The following KIAA1614 variants were observed in gnomAD, a reference collection of about 807,000 sequenced individuals.
KIAA1614 encodes the protein KIAA1614, also known as uncharacterized protein KIAA1614.
In KIAA1614, 76 loss-of-function variants were observed where a neutral mutation model predicts 88.7. That is an observed-to-expected ratio of 0.86 (90% CI 0.71 to 1.04). KIAA1614 has a LOEUF of 1.04. KIAA1614 is among the 50% of genes least tolerant of loss of function. KIAA1614 has a pLI of 0.00. For synonymous variants in KIAA1614, 714 were observed against 675.5 expected (o/e 1.06, Z -0.88); for missense variants, 1,553 against 1,582.5 (o/e 0.98, Z 0.32).
Position 180,950,468 on chromosome 1 carries a change from G to T in KIAA1614, c.*4880G>T, listed in dbSNP as rs1390692865. On this transcript the variant is annotated 3_prime_UTR_variant, in exon 9 of 9. Coordinates refer to ENST00000367588, the MANE Select transcript of KIAA1614 (RefSeq NM_020950.2). ...AGGGCTGGGCTTGGCTCACATTAAGGAGCTCCTGGCCCACTCAGAGAGCTT... is the reference window on the plus strand; with the variant it reads ...AGGGCTGGGCTTGGCTCACATTAAGTAGCTCCTGGCCCACTCAGAGAGCTT... 1 of 1,170,814 alleles carries T rather than the reference G, an allele frequency of 8.5e-7. No homozygotes were observed. Among genetic ancestry groups the T allele is most frequent in the Non-Finnish European group, 1.1e-6 (1 of 928,530 alleles). 72.5% of individuals were successfully genotyped at this position (1,170,814 alleles called of 1,614,324 possible). A position where few individuals can be genotyped will look rare whatever the true frequency, so the allele number is the denominator to read the frequency against.
At chr1:180,927,897 C>A (rs369126871) in intron 3 of KIAA1614, among the ~76,000 whole-genome samples, 5 of 152,152 alleles carry the variant, frequency 3.3e-5, no homozygotes, top group African/African-American at 1.2e-4. Flanking sequence ...AAATGCCATT[C>A]CCCCAAAGGG....
intron 6 of KIAA1614, 123 bp from the exon 7 acceptor site, chr1:180,940,922 C>A: frequency 1.2e-6 from 1 of 845,154 alleles, no homozygotes; most frequent in African/African-American, 1.7e-5. Flanking sequence ...GTTCCTGGCC[C>A]CAAATGTGCC....
chr1:180,918,528 C>A (rs560644056), intron 3 of KIAA1614, among the ~76,000 whole-genome samples: 8 of 152,338 alleles, frequency 5.3e-5, no homozygotes, highest in African/African-American at 1.9e-4. Context: ...GAAAAGTACA[C>A]TCAAGGTGGG....
chr1:180,942,395 T>C (rs1654488876), intron 7 of KIAA1614, among the ~76,000 whole-genome samples: 2 of 152,084 alleles, frequency 1.3e-5, no homozygotes, highest in South Asian at 4.2e-4. Context: ...CCTAATTCCC[T>C]CCCCGCTCTC....
At chr1:180,925,368 A>G (rs1654045819) in intron 3 of KIAA1614, among the ~76,000 whole-genome samples, 2 of 152,258 alleles carry the variant, frequency 1.3e-5, no homozygotes. Flanking sequence ...AATGCTAAGC[A>G]GAAAAGTTTC....
chr1:180,913,358 G>GC, intron 1 of KIAA1614, 65 bp downstream of exon 1: 1 of 1,117,428 alleles, frequency 8.9e-7, no homozygotes, highest in Non-Finnish European at 1.1e-6. Context: ...GGGCGGAGGA[G>GC]CGGGGAGCCC....
chr1:180,918,049 T>C, intron 3 of KIAA1614, 135 bp downstream of exon 3: 1 of 732,144 alleles, frequency 1.4e-6, no homozygotes, highest in Non-Finnish European at 2.3e-6. Context: ...CCAGTGGACG[T>C]CATCATCCCT....
chr1:180,943,550 C>CTTTTTTTTTTTTTTTTTTTTTTTTTT lies in KIAA1614; in HGVS notation c.3160-823_3160-822insTTTTTTTTTTTTTTTTTTTTTTTTTT, dbSNP rs60128001. Among the ~76,000 whole-genome samples, 6 of 98,218 alleles carry CTTTTTTTTTTTTTTTTTTTTTTTTTT rather than the reference C, an allele frequency of 6.1e-5. 2 individuals are homozygous for CTTTTTTTTTTTTTTTTTTTTTTTTTT. Among genetic ancestry groups the CTTTTTTTTTTTTTTTTTTTTTTTTTT allele is most frequent in the African/African-American group, 2.1e-4 (5 of 23,846 alleles). The allele number at this position is 98,218 out of a possible 152,430, so 64.4% of individuals were successfully genotyped here. A position where few individuals can be genotyped will look rare whatever the true frequency, so the allele number is the denominator to read the frequency against. Reference sequence around the variant, plus strand: ...ATTGTAGGATTGAATGGTAGTAGATCTTTTTTTTTTTTTTTTGAGACAGGG... The same window carrying CTTTTTTTTTTTTTTTTTTTTTTTTTT: ...ATTGTAGGATTGAATGGTAGTAGATCTTTTTTTTTTTTTTTTTTTTTTTTTTTTTTTTTTTTTTTTTTGAGACAGGG... On this transcript the variant is annotated intron_variant, in intron 7 of 8. Coordinates refer to ENST00000367588, the MANE Select transcript of KIAA1614 (RefSeq NM_020950.2).
chr1:180,920,827 C>T (rs1479644447), intron 3 of KIAA1614, among the ~76,000 whole-genome samples: 1 of 152,094 alleles, frequency 6.6e-6, no homozygotes, highest in Non-Finnish European at 1.5e-5. Context: ...GAGGAGACCC[C>T]CGGCCCCCAA....
At chr1:180,936,773 TTTTA>T in intron 5 of KIAA1614, 103 bp downstream of exon 5, 2 of 745,552 alleles carry the variant, frequency 2.7e-6, no homozygotes, top group Admixed American at 3.2e-5. Flanking sequence ...AGTCATTCCC[TTTTA>T]TCTCAATAGT....
rs781510193 is a variant in KIAA1614, at chr1:180,936,343, C to T, written c.2434C>T (p.Pro812Ser). 3 of 1,614,200 alleles carry T rather than the reference C, an allele frequency of 1.9e-6. No individual in the cohort carries two copies. Among genetic ancestry groups the T allele is most frequent in the Non-Finnish European group, 1.7e-6 (2 of 1,180,000 alleles). Residue 812 changes from proline (P) to serine (S), a missense_variant, in exon 5 of 9, where the codon CCT becomes TCT. Physicochemically the swap from Pro to Ser is moderately conservative, Grantham distance 74 (BLOSUM62 -1). Transcript: ENST00000367588. ...TGAAGGCTGGGCGCCAACCCCTCCC[C>T]CTTCGAGGAAAACCACCTCGCCAGT... The part of the protein sequence containing the change: ...CPEGWAPTPP[P>S]SRKTTSPVSH...
Position 180,945,909 on chromosome 1 carries a change from A to C in KIAA1614, c.*321A>C. 1 of 634,458 alleles carries C rather than the reference A, an allele frequency of 1.6e-6. No individual in the cohort carries two copies. The highest frequency in any genetic ancestry group is 2.1e-6 in the Non-Finnish European group (1 of 486,144). The allele number at this position is 634,458 out of a possible 1,614,324, so 39.3% of individuals were successfully genotyped here. ...CACCTGAGGTCAGGAGTTCGAGACC[A>C]GTCTGGCCCACATGGTGAAACCCAT... On this transcript the variant is annotated 3_prime_UTR_variant, in exon 9 of 9. Transcript: ENST00000367588.
chr1:180,922,129 C>T (rs1653967207), intron 3 of KIAA1614, among the ~76,000 whole-genome samples: 1 of 152,216 alleles, frequency 6.6e-6, no homozygotes, highest in Non-Finnish European at 1.5e-5. Flanking sequence ...TCTGCATGGC[C>T]CAGGCACACC....
intron 6 of KIAA1614, 128 bp from the exon 7 acceptor site, chr1:180,940,917 T>C (rs1654444836): frequency 2.5e-6 from 2 of 803,218 alleles, no homozygotes; most frequent in Admixed American, 5.9e-5. Flanking sequence ...TGTTAGTTCC[T>C]GGCCCCAAAT....
chr1:180,940,748 A>G (rs1027516495), intron 6 of KIAA1614, among the ~76,000 whole-genome samples: 3 of 138,978 alleles, frequency 2.2e-5, no homozygotes, highest in East Asian at 2.1e-4. Context: ...GGGTCTCACT[A>G]TGTCGCCCAG....
At chr1:180,928,397 C>G in intron 3 of KIAA1614, 33 bp from the exon 4 acceptor site, 1 of 1,500,336 alleles carries the variant, frequency 6.7e-7, no homozygotes, top group Non-Finnish European at 8.9e-7. Flanking sequence ...CTAATCCCTC[C>G]CCCACCACCC....
At chr1:180,925,345 C>T (rs1193943110) in intron 3 of KIAA1614, among the ~76,000 whole-genome samples, 1 of 152,218 alleles carries the variant, frequency 6.6e-6, no homozygotes, top group Non-Finnish European at 1.5e-5. Context: ...TTCAAATACG[C>T]AAACATGGAA....
intron 3 of KIAA1614, among the ~76,000 whole-genome samples, chr1:180,925,674 G>C (rs1214819714): frequency 6.6e-6 from 1 of 152,242 alleles, no homozygotes; most frequent in Non-Finnish European, 1.5e-5. Flanking sequence ...GAAACTGGCC[G>C]AGACGGGAGT....
At position 180,936,597 on chromosome 1, in the gene KIAA1614, C is replaced by T. The variant is rs761375969; in HGVS notation, c.2688C>T (p.Ala896=). 1.4e-5 allele frequency: 22 copies of T among 1,610,404 alleles called. No individual in the cohort carries two copies. In the Admixed American group the frequency reaches 2.3e-4, roughly 17 times the overall value. Residue 896 remains alanine, a synonymous_variant, in exon 5 of 9, where the codon GCC becomes GCT. Coordinates refer to ENST00000367588, the MANE Select transcript of KIAA1614 (RefSeq NM_020950.2). ...GGCTGCAGGAGCCCTACGGGGGAGCCGTCCACGAGGGTAGGGTGGAGAGGG... is the reference window on the plus strand; with the variant it reads ...GGCTGCAGGAGCCCTACGGGGGAGCTGTCCACGAGGGTAGGGTGGAGAGGG... The part of the protein sequence containing the change: ...PRGLQEPYGG[A]VHEGRVERGP...
Sources: gnomAD v4.1 joint callset for allele counts (sites outside exome capture counted in the v4.1 genomes callset) on GRCh38, gnomAD v4.1.1 for gene constraint, MANE v1.5 for transcripts, NCBI Gene and HGNC (gene_info 2026-07-23, HGNC 2026-07-21) for gene names.